The following PAIP2B variants were observed in gnomAD, a reference collection of about 807,000 sequenced individuals.
The protein encoded by PAIP2B is polyadenylate-binding protein-interacting protein 2B.
Under a neutral mutation model 17.0 loss-of-function variants are expected in PAIP2B, and 13 were observed. The ratio of observed to expected loss-of-function variants is 0.76; its 90% CI spans 0.50 to 1.22. The LOEUF is 1.22. PAIP2B is among the 50% of genes most tolerant of loss of function. PAIP2B has a pLI of 0.00. For synonymous variants in PAIP2B, 43 were observed against 48.7 expected (o/e 0.88, Z 0.48); for missense variants, 117 against 144.5 (o/e 0.81, Z 0.98).
Position 71,183,456 on chromosome 2 carries a change from GT to G in PAIP2B, c.*5022del. 1 of 122,392 alleles carries G rather than the reference GT, an allele frequency of 8.2e-6. No individual in the cohort carries two copies. The highest frequency in any genetic ancestry group is 3.1e-4 in the South Asian group (1 of 3,242). The allele number at this position is 122,392 out of a possible 1,614,324, so 7.6% of individuals were successfully genotyped here. A position where few individuals can be genotyped will look rare whatever the true frequency, so the allele number is the denominator to read the frequency against. ...ATGACAAAGCTCATTCTGATTAGTA[GT>G]TTTTTTGACATGCACAGCAGCTTCC... On this transcript the variant is annotated 3_prime_UTR_variant, in exon 4 of 4. Transcript: ENST00000244221.
chr2:71,211,750 A>G (rs13028024), intron 1 of PAIP2B, among the ~76,000 whole-genome samples: 14,035 of 152,252 alleles, frequency 0.092, 712 homozygotes, highest in Non-Finnish European at 0.12. Context: ...AACAATCCCA[A>G]ACTTTTAGAA....
intron 2 of PAIP2B, among the ~76,000 whole-genome samples, chr2:71,200,512 G>A (rs1306636014): frequency 1.3e-5 from 2 of 152,230 alleles, no homozygotes; most frequent in Non-Finnish European, 2.9e-5. Flanking sequence ...AGCACTTTGG[G>A]AGGCTGAGAC....
intron 1 of PAIP2B, among the ~76,000 whole-genome samples, chr2:71,205,704 T>TCCATTTCA (rs1437238694): frequency 1.3e-5 from 2 of 152,208 alleles, no homozygotes; most frequent in Non-Finnish European, 2.9e-5. Flanking sequence ...CTCTAGTCAT[T>TCCATTTCA]CCATTTCACC....
intron 1 of PAIP2B, among the ~76,000 whole-genome samples, chr2:71,218,953 T>A (rs556052285): frequency 6.6e-6 from 1 of 150,796 alleles, no homozygotes; most frequent in Non-Finnish European, 1.5e-5. Flanking sequence ...TCTCACTCTG[T>A]CACCTAGGCT....
rs957567414 is a variant in PAIP2B, at chr2:71,191,551, A to T, written c.139-1530T>A. ...GTGGAAATTGCTGTCTGTCCCCTTT[A>T]AACTTGTTTCCTTCTTCCCAGAGCA... On this transcript the variant is annotated intron_variant, in intron 2 of 3. Transcript: ENST00000244221. 2.6e-5 allele frequency among the ~76,000 whole-genome samples: 4 copies of T among 152,186 alleles called. No homozygotes were observed. In the East Asian group the frequency reaches 7.7e-4, roughly 29 times the overall value.
At chr2:71,204,335 A>C (rs1255730386) in intron 1 of PAIP2B, among the ~76,000 whole-genome samples, 2 of 152,178 alleles carry the variant, frequency 1.3e-5, no homozygotes, top group Non-Finnish European at 2.9e-5. Context: ...TCTTGGCAAC[A>C]CTTGTGAATA....
chr2:71,212,631 T>C (rs185306097), intron 1 of PAIP2B, among the ~76,000 whole-genome samples: 3 of 152,316 alleles, frequency 2.0e-5, no homozygotes. Flanking sequence ...CACTTACTTA[T>C]ATTTTTTTTA....
At position 71,184,704 on chromosome 2, in the gene PAIP2B, G is replaced by A. The variant is rs1344386129; in HGVS notation, c.*3775C>T. The stretch of plus-strand genomic sequence containing the variant: ...GGTGCAATGAGTCACATGGGGAAAT[G>A]TGGACAGAGGCAGAAGGACATCAAG... On this transcript the variant is annotated 3_prime_UTR_variant, in exon 4 of 4. Transcript: ENST00000244221. 5 of 152,206 alleles carry A rather than the reference G, an allele frequency of 3.3e-5. No homozygotes were observed. 9.4% of individuals were successfully genotyped at this position (152,206 alleles called of 1,614,324 possible). A position where few individuals can be genotyped will look rare whatever the true frequency, so the allele number is the denominator to read the frequency against.
intron 2 of PAIP2B, among the ~76,000 whole-genome samples, chr2:71,198,650 T>C (rs968845179): frequency 1.3e-5 from 2 of 151,906 alleles, no homozygotes; most frequent in African/African-American, 4.8e-5. Flanking sequence ...CTCTGACTCC[T>C]GACCTTAGGT....
intron 2 of PAIP2B, among the ~76,000 whole-genome samples, chr2:71,194,427 C>A (rs1450922911): frequency 6.7e-6 from 1 of 150,344 alleles, no homozygotes; most frequent in Non-Finnish European, 1.5e-5. Flanking sequence ...TTGTAGAGAT[C>A]TTTTACCTCC....
At chr2:71,216,194 A>C (rs921292433) in intron 1 of PAIP2B, among the ~76,000 whole-genome samples, 7 of 152,224 alleles carry the variant, frequency 4.6e-5, no homozygotes, top group African/African-American at 1.4e-4. Context: ...GTTTCGATTT[A>C]ATAAGCACTC....
chr2:71,217,934 G>T (rs185660712), intron 1 of PAIP2B, among the ~76,000 whole-genome samples: 59 of 152,134 alleles, frequency 3.9e-4, no homozygotes, highest in Admixed American at 3.5e-3. Context: ...TGGGCGTGGT[G>T]GTATATACCT....
intron 2 of PAIP2B, among the ~76,000 whole-genome samples, chr2:71,197,393 T>C (rs13339771): frequency 0.067 from 10,139 of 152,312 alleles, 375 homozygotes; most frequent in African/African-American, 0.092. Flanking sequence ...GCTGTTAGCC[T>C]GATAGGGATC....
At chr2:71,226,031 A>T (rs1404669750) in intron 1 of PAIP2B, among the ~76,000 whole-genome samples, 3 of 152,222 alleles carry the variant, frequency 2.0e-5, no homozygotes, top group Non-Finnish European at 2.9e-5. Flanking sequence ...CAATTTACTG[A>T]AAATAATAGT....
intron 1 of PAIP2B, among the ~76,000 whole-genome samples, chr2:71,216,989 A>G (rs965030729): frequency 1.4e-4 from 21 of 152,208 alleles, no homozygotes; most frequent in Admixed American, 6.5e-5. Flanking sequence ...ATACAAAACC[A>G]TTTACATCCT....
rs757248047 is a variant in PAIP2B, at chr2:71,202,607, A to G, written c.-11-7T>C. The G allele has an allele frequency of 1.9e-6, 3 of 1,598,640 alleles. No homozygotes were observed. The highest frequency in any genetic ancestry group is 1.1e-5 in the South Asian group (1 of 89,512). On this transcript the variant is annotated splice_region_variant and splice_polypyrimidine_tract_variant and intron_variant, in intron 1 of 3. Coordinates refer to ENST00000244221, the MANE Select transcript of PAIP2B (RefSeq NM_020459.1). ...CCATTCATTATGATGGAACCTAAAG[A>G]GAAGCAAAAGAAAAGATAAAATGAA...
chr2:71,202,492 T>C lies in PAIP2B; in HGVS notation c.98A>G (p.Glu33Gly), dbSNP rs895209200. ...GHDEKENPFA[E>G]YMWMENEEDF... ...CTCTTCATTCTCCATCCACATGTAC[T>C]CTGCAAATGGGTTTTCCTTTTCATC... The change falls in exon 2 of 4, where the codon GAG (glutamate) becomes GGG (glycine). Residue 33 changes from glutamate to glycine, a missense_variant. Coordinates refer to ENST00000244221, the MANE Select transcript of PAIP2B (RefSeq NM_020459.1). The C allele has an allele frequency of 3.1e-6, 5 of 1,613,896 alleles. No individual in the cohort carries two copies. The highest frequency in any genetic ancestry group is 1.7e-5 in the Admixed American group (1 of 60,010).
rs1674516932 is a variant in PAIP2B, at chr2:71,185,604, A to C, written c.*2875T>G. Reference sequence around the variant, plus strand: ...AAAAAAAAAAAAAAAGAGGGACCCCAGCTGCTGTGACTTTGGAAACTAAAG... The same window carrying C: ...AAAAAAAAAAAAAAAGAGGGACCCCCGCTGCTGTGACTTTGGAAACTAAAG... On this transcript the variant is annotated 3_prime_UTR_variant, in exon 4 of 4. Transcript: ENST00000244221. The C allele has an allele frequency of 6.6e-6, 1 of 151,066 alleles. No individual in the cohort carries two copies. The highest frequency in any genetic ancestry group is 1.5e-5 in the Non-Finnish European group (1 of 67,924). 9.4% of individuals were successfully genotyped at this position (151,066 alleles called of 1,614,324 possible).
chr2:71,218,785 G>T (rs140683911), intron 1 of PAIP2B, among the ~76,000 whole-genome samples: 81 of 152,042 alleles, frequency 5.3e-4, no homozygotes, highest in African/African-American at 1.7e-3. Flanking sequence ...ACAGAAACAT[G>T]CCCAAAATAT....
Sources: allele counts gnomAD v4.1 joint callset (sites outside exome capture counted in the v4.1 genomes callset), GRCh38; gene constraint gnomAD v4.1.1; transcripts MANE v1.5; gene names NCBI Gene and HGNC (gene_info 2026-07-23, HGNC 2026-07-21).